Variants in ALS2CL observed in about 807,000 individuals in gnomAD.
ALS2CL encodes the protein ALS2 C-terminal like.
A neutral mutation model predicts 127.9 loss-of-function variants in ALS2CL; 112 were observed. The ratio of observed to expected loss-of-function variants is 0.88; its 90% CI spans 0.75 to 1.02. The LOEUF (loss-of-function observed/expected upper bound fraction) is 1.02. Among genes scored for constraint, ALS2CL ranks in the 50% least tolerant of loss-of-function variants. ALS2CL has a pLI of 0.00. For synonymous variants in ALS2CL, 519 were observed against 527.6 expected, an observed-to-expected ratio of 0.98 and a Z score of 0.22; for missense variants, 1,174 against 1,236.7, an observed-to-expected ratio of 0.95 and a Z score of 0.76.
intron 7 of ALS2CL, 71 bp from the exon 8 acceptor site, chr3:46,684,118 T>G: frequency 6.6e-7 from 1 of 1,516,080 alleles, no homozygotes; most frequent in South Asian, 1.2e-5. Context: ...GGCCAAGGCT[T>G]GCCCCAAGCT....
At chr3:46,691,170 G>A (rs143430311) in intron 1 of ALS2CL, among the ~76,000 whole-genome samples, 86 of 152,282 alleles carry the variant, frequency 5.6e-4, no homozygotes, top group African/African-American at 1.8e-3. Flanking sequence ...GAATAGGGGT[G>A]CAGCCAGGCC....
rs1425877566 is a variant in ALS2CL, at chr3:46,681,449, C to T, written c.1275-42G>A. ...ACAACGAGCTCTGCCTCATGGAGCT[C>T]AGCCCAGAGGATGGGCCCAGCCCAT... On this transcript the variant is annotated intron_variant, in intron 12 of 25. Transcript: ENST00000318962. The surrounding 1 kb of genome is among the most constrained non-coding windows in gnomAD (Gnocchi z 4.9). 3 of 1,611,716 alleles carry T rather than the reference C, an allele frequency of 1.9e-6. No homozygotes were observed. Among genetic ancestry groups the T allele is most frequent in the Non-Finnish European group, 2.5e-6 (3 of 1,178,168 alleles).
Position 46,681,444 on chromosome 3 carries a change from G to A in ALS2CL, c.1275-37C>T, listed in dbSNP as rs1699334286. 6.2e-7 allele frequency: 1 copy of A among 1,610,690 alleles called. No homozygotes were observed. Among genetic ancestry groups the A allele is most frequent in the South Asian group, 1.1e-5 (1 of 90,948 alleles). ...CATCAACAACGAGCTCTGCCTCATG[G>A]AGCTCAGCCCAGAGGATGGGCCCAG... On this transcript the variant is annotated intron_variant, in intron 12 of 25. Transcript: ENST00000318962. The surrounding 1 kb of genome is among the most constrained non-coding windows in gnomAD (Gnocchi z 4.9).
chr3:46,679,386 G>C, intron 14 of ALS2CL, 99 bp from the exon 15 acceptor site: 1 of 1,031,570 alleles, frequency 9.7e-7, no homozygotes, highest in Non-Finnish European at 1.4e-6. Flanking sequence ...GATGTGCCCT[G>C]ACACATGGCG....
chr3:46,677,452 G>C, intron 16 of ALS2CL: 1 of 969,350 alleles, frequency 1.0e-6, no homozygotes, highest in African/African-American at 1.8e-5. Flanking sequence ...GCCTGGCTGC[G>C]CATGTCTAAT....
In ALS2CL at chr3:46,681,735, T is replaced by G; in HGVS notation, c.1176-137A>C. 1.1e-6 allele frequency: 1 copy of G among 904,710 alleles called. No individual in the cohort carries two copies. Among genetic ancestry groups the G allele is most frequent in the South Asian group, 1.6e-5 (1 of 61,282 alleles). 56.0% of individuals were successfully genotyped at this position (904,710 alleles called of 1,614,324 possible). A position where few individuals can be genotyped will look rare whatever the true frequency, so the allele number is the denominator to read the frequency against. On this transcript the variant is annotated intron_variant, in intron 11 of 25. Coordinates refer to ENST00000318962, the MANE Select transcript of ALS2CL (RefSeq NM_147129.5). The surrounding 1 kb of genome is among the most constrained non-coding windows in gnomAD (Gnocchi z 4.9). The stretch of plus-strand genomic sequence containing the variant: ...GGAGACTCTCAGAGGCCCTCAGCCT[T>G]CCTATCCTTCAAAGGGCCCCTCTCA...
chr3:46,677,378 C>T (rs964968979), intron 16 of ALS2CL: 2 of 1,087,852 alleles, frequency 1.8e-6, no homozygotes, highest in Admixed American at 9.6e-5. Flanking sequence ...AAGACATCCC[C>T]CTCTGCCCTC....
intron 16 of ALS2CL, 87 bp from the exon 17 acceptor site, chr3:46,677,109 G>A (rs1698913769): frequency 6.6e-7 from 1 of 1,506,946 alleles, no homozygotes; most frequent in Non-Finnish European, 8.8e-7. Flanking sequence ...TGGAGGGGTG[G>A]GGGTATGAGC....
rs1699775531 is a variant in ALS2CL, at chr3:46,686,344, T to C, written c.630A>G (p.Thr210=). ...CTCTCAGGGTGTGCCAGAGAGCCTG[T>C]GTGGCCACAGCCTGGTCCAACTCCT... is the stretch of plus-strand genomic sequence containing the variant. ...MKQELDQAVA[T]QALWHTLRGR... Residue 210 remains threonine (T), a synonymous_variant, in exon 6 of 26, where the codon ACA becomes ACG. Transcript: ENST00000318962. The surrounding 1 kb of genome is among the most constrained non-coding windows in gnomAD (Gnocchi z 4.3). The C allele has an allele frequency of 6.2e-7, 1 of 1,613,300 alleles. No individual in the cohort carries two copies. Among genetic ancestry groups the C allele is most frequent in the Non-Finnish European group, 8.5e-7 (1 of 1,179,742 alleles).
intron 6 of ALS2CL, 21 bp from the exon 7 acceptor site, chr3:46,685,665 G>T (rs1474871801): frequency 7.5e-6 from 12 of 1,607,400 alleles, no homozygotes; most frequent in Non-Finnish European, 1.0e-5. Flanking sequence ...AAAGAGGACA[G>T]TACAAGGCTT....
rs751203176 is a variant in ALS2CL at position 46,676,301 on chromosome 3, C to T, written c.2130G>A (p.Gln710=). ...YAGVGANKHL[Q]ELAQEEVKQH... is the part of the protein sequence containing the mutation. ...GCTTCACCTCCTCCTGGGCCAGCTCCTGCAGGTGCTTGTTGGCCCCGACAC... is the reference window on the plus strand; with the variant it reads ...GCTTCACCTCCTCCTGGGCCAGCTCTTGCAGGTGCTTGTTGGCCCCGACAC... The change falls in exon 19 of 26, where the codon CAG becomes CAA. Residue 710 remains glutamine, a synonymous_variant. Transcript: ENST00000318962. 5.0e-6 allele frequency: 8 copies of T among 1,613,698 alleles called. No homozygotes were observed. Among genetic ancestry groups the T allele is most frequent in the Middle Eastern group, 1.6e-4 (1 of 6,080 alleles).
Position 46,673,475 on chromosome 3 carries a change from G to A in ALS2CL, c.2430-94C>T. 4 of 1,308,078 alleles carry A rather than the reference G, an allele frequency of 3.1e-6. No homozygotes were observed. The Admixed American group carries it at 8.3e-5, about 27-fold the overall frequency. The allele number at this position is 1,308,078 out of a possible 1,614,324, so 81.0% of individuals were successfully genotyped here. A position where few individuals can be genotyped will look rare whatever the true frequency, so the allele number is the denominator to read the frequency against. ...ATTCCCTATGCCACTGTTTCCCCCG[G>A]CAGATCTGGGTCCTGAAAAGGGGAA... On this transcript the variant is annotated intron_variant, in intron 21 of 25. Transcript: ENST00000318962.
At chr3:46,674,494 C>T (rs1698651219) in intron 21 of ALS2CL, 72 bp downstream of exon 21, 3 of 1,549,676 alleles carry the variant, frequency 1.9e-6, no homozygotes, top group East Asian at 2.3e-5. Context: ...CCCAGCCCCA[C>T]CTTTTGGCTG....
chr3:46,688,594 TC>T (rs766988066), intron 2 of ALS2CL, among the ~76,000 whole-genome samples: 10 of 151,978 alleles, frequency 6.6e-5, no homozygotes, highest in Non-Finnish European at 1.3e-4. Flanking sequence ...ATACACGAAT[TC>T]CCCCCTGGCT....
chr3:46,682,381 T>C (rs1699423726), intron 10 of ALS2CL, among the ~76,000 whole-genome samples: 1 of 152,192 alleles, frequency 6.6e-6, no homozygotes, highest in South Asian at 2.1e-4. Context: ...AACAGGAAGC[T>C]CAGAGCTAAG....
rs140756490 is a variant in ALS2CL at position 46,680,498 on chromosome 3, C to A, written c.1480G>T (p.Gly494Cys). ...GCCTGGGTGACCATGACCCCTGGGC[C>A]GTGGCGCTGACCAGCCTGCCACATG... is the stretch of plus-strand genomic sequence containing the variant. Reference protein sequence around the residue: ...IGMWQAGQRHGPGVMVTQAGV... With the variant: ...IGMWQAGQRHCPGVMVTQAGV... Residue 494 changes from glycine (G) to cysteine (C), a missense_variant, in exon 14 of 26, where the codon GGC becomes TGC. Gly to Cys is a radical substitution (Grantham distance 159). Coordinates refer to ENST00000318962, the MANE Select transcript of ALS2CL (RefSeq NM_147129.5). 7 of 1,613,042 alleles carry A rather than the reference C, an allele frequency of 4.3e-6. No individual in the cohort carries two copies. In the Admixed American group the frequency reaches 8.3e-5, roughly 19 times the overall value.
Position 46,680,531 on chromosome 3 carries a change from A to C in ALS2CL, c.1447T>G (p.Tyr483Asp). Residue 483 changes from tyrosine to aspartate, a missense_variant, in exon 14 of 26, where the codon TAC becomes GAC. Physicochemically the swap from Tyr to Asp is radical, Grantham distance 160. Transcript: ENST00000318962. ...IEEDGDRGERYIGMWQAGQRH... is the reference protein window; with the variant it reads ...IEEDGDRGERDIGMWQAGQRH... ...TGACCAGCCTGCCACATGCCAATGT[A>C]GCGCTCACCTCTGGAAGGAGAGGAA... is the stretch of plus-strand genomic sequence containing the variant. The C allele has an allele frequency of 6.2e-7, 1 of 1,612,460 alleles. No homozygotes were observed. Among genetic ancestry groups the C allele is most frequent in the Non-Finnish European group, 8.5e-7 (1 of 1,179,904 alleles).
chr3:46,669,025 T>A lies in ALS2CL; in HGVS notation c.*1959A>T, dbSNP rs899828890. ...TCCAGATGCTCTTTTTTATTTATTT[T>A]ATTTTTATTTTTATTTTTATTTTTG... is the stretch of plus-strand genomic sequence containing the variant. On this transcript the variant is annotated 3_prime_UTR_variant, in exon 26 of 26. Coordinates refer to ENST00000318962, the MANE Select transcript of ALS2CL (RefSeq NM_147129.5). 2.0e-5 allele frequency: 3 copies of A among 151,986 alleles called. No homozygotes were observed. The highest frequency in any genetic ancestry group is 4.4e-5 in the Non-Finnish European group (3 of 68,034). 9.4% of individuals were successfully genotyped at this position (151,986 alleles called of 1,614,324 possible). A position where few individuals can be genotyped will look rare whatever the true frequency, so the allele number is the denominator to read the frequency against.
Position 46,681,299 on chromosome 3 carries a change from G to T in ALS2CL, c.1383C>A (p.Gly461=), listed in dbSNP as rs532522967. The change falls in exon 13 of 26, where the codon GGC becomes GGA. Residue 461 remains glycine, a synonymous_variant. Transcript: ENST00000318962. The surrounding 1 kb of genome is among the most constrained non-coding windows in gnomAD (Gnocchi z 4.9). ...CGCTCCTCTGGCCCCTCTCCCAGTG[G>T]CCCGTGTACCTGAAGGGCTGGGGGG... ...PQAPQPFRYT[G]HWERGQRSGY... The T allele has an allele frequency of 1.2e-6, 2 of 1,613,764 alleles. No homozygotes were observed. Among genetic ancestry groups the T allele is most frequent in the Non-Finnish European group, 8.5e-7 (1 of 1,179,952 alleles).
Sources: gnomAD v4.1 joint callset for allele counts (sites outside exome capture counted in the v4.1 genomes callset) on GRCh38, gnomAD v4.1.1 for gene constraint, Gnocchi (gnomAD v3.1) non-coding constraint, MANE v1.5 for transcripts, NCBI Gene and HGNC (gene_info 2026-07-23, HGNC 2026-07-21) for gene names.